The following BTD variants were observed in gnomAD, a reference collection of about 807,000 sequenced individuals.
BTD encodes the protein biotinidase.
A neutral mutation model predicts 17.7 loss-of-function variants in BTD; 13 were observed. The observed-to-expected ratio is 0.74, with a 90% CI of 0.48 to 1.17. The LOEUF is 1.17. BTD is among the 50% of genes most tolerant of loss of function. The pLI is 0.00. For missense variants in BTD, 674 were observed against 650.4 expected, an observed-to-expected ratio of 1.04 and a Z score of -0.39; for synonymous variants, 240 against 245.2, an observed-to-expected ratio of 0.98 and a Z score of 0.20.
chr3:15,622,480 C>T (rs1164407288), intron 1 of BTD, among the ~76,000 whole-genome samples: 1 of 152,138 alleles, frequency 6.6e-6, no homozygotes, highest in East Asian at 1.9e-4. Flanking sequence ...TGTGTTTTGT[C>T]ATGGTAAATG....
At chr3:15,656,406 G>T (rs1394518900), downstream of BTD, among the ~76,000 whole-genome samples, 1 of 152,078 alleles carries the variant, frequency 6.6e-6, no homozygotes, top group Non-Finnish European at 1.5e-5. Flanking sequence ...AGCCAGTCAG[G>T]TCAGCTCAGA....
chr3:15,686,475 T>G (rs1465542964), intron 3 of BTD: 1 of 623,382 alleles, frequency 1.6e-6, no homozygotes, highest in Non-Finnish European at 2.8e-6. Context: ...GGCCTTTGAC[T>G]GTTAAAGCTG....
At chr3:15,619,951 T>G (rs1170258233) in intron 1 of BTD, among the ~76,000 whole-genome samples, 2 of 151,932 alleles carry the variant, frequency 1.3e-5, no homozygotes, top group Non-Finnish European at 2.9e-5. Context: ...GATACAAAGA[T>G]CACATGCTTC....
intron 3 of BTD, chr3:15,670,424 T>TA: frequency 6.2e-7 from 1 of 1,613,994 alleles, no homozygotes; most frequent in South Asian, 1.1e-5. Context: ...GGTGTTGGTA[T>TA]AACGGTTAAT....
chr3:15,688,680 T>C (rs1203193452), intron 3 of BTD, among the ~76,000 whole-genome samples: 2 of 152,312 alleles, frequency 1.3e-5, no homozygotes, highest in East Asian at 3.8e-4. Context: ...CCAAGACATA[T>C]ATTCAAATGT....
chr3:15,703,163 AGATT>A (rs1400174917), intron 3 of BTD, among the ~76,000 whole-genome samples: 2 of 152,254 alleles, frequency 1.3e-5, no homozygotes, highest in African/African-American at 2.4e-5. Context: ...AAAAATTTAA[AGATT>A]GATTTTGGTA....
intron 1 of BTD, among the ~76,000 whole-genome samples, chr3:15,616,432 A>G (rs1350938440): frequency 6.6e-6 from 1 of 152,134 alleles, no homozygotes; most frequent in Non-Finnish European, 1.5e-5. Flanking sequence ...CCTGACCAAA[A>G]TAGAGAAACC....
intron 3 of BTD, chr3:15,708,203 C>A (rs904111654): frequency 2.1e-6 from 2 of 950,826 alleles, no homozygotes; most frequent in Admixed American, 5.3e-5. Flanking sequence ...CTAAGTCTTG[C>A]GGAGGACTGG....
chr3:15,636,318 C>G (rs558095351), intron 2 of BTD, among the ~76,000 whole-genome samples: 1 of 152,314 alleles, frequency 6.6e-6, no homozygotes, highest in South Asian at 2.1e-4. Flanking sequence ...CTGAGACCTT[C>G]GCCCAGATAG....
At chr3:15,703,259 T>C (rs2070877296) in intron 3 of BTD, among the ~76,000 whole-genome samples, 1 of 152,244 alleles carries the variant, frequency 6.6e-6, no homozygotes. Context: ...CCCATTTTTA[T>C]GAAGTTTGAA....
chr3:15,617,364 G>A (rs1245980566), intron 1 of BTD, among the ~76,000 whole-genome samples: 1 of 152,174 alleles, frequency 6.6e-6, no homozygotes, highest in Non-Finnish European at 1.5e-5. Flanking sequence ...AGATCATCTA[G>A]CTATTCTCCT....
chr3:15,631,020 T>C (rs2065191197), intron 1 of BTD, among the ~76,000 whole-genome samples: 1 of 152,222 alleles, frequency 6.6e-6, no homozygotes, highest in South Asian at 2.1e-4. Context: ...TTTCTTTAAA[T>C]TCAGATCATA....
intron 1 of BTD, among the ~76,000 whole-genome samples, chr3:15,613,439 T>G (rs1288693139): frequency 6.6e-6 from 1 of 152,172 alleles, no homozygotes; most frequent in Non-Finnish European, 1.5e-5. Flanking sequence ...GCTTCTTTCC[T>G]GAGCCCTGCC....
intron 1 of BTD, among the ~76,000 whole-genome samples, chr3:15,613,134 G>T (rs2064684931): frequency 1.3e-5 from 2 of 152,154 alleles, no homozygotes; most frequent in Admixed American, 1.3e-4. Context: ...CTTCACCTTT[G>T]TCATATTCTA....
chr3:15,674,960 C>T (rs567053945), intron 3 of BTD, among the ~76,000 whole-genome samples: 4 of 151,896 alleles, frequency 2.6e-5, no homozygotes, highest in South Asian at 2.1e-4. Flanking sequence ...CCTGACTATA[C>T]GGAAATTAAG....
At chr3:15,666,677 T>C (rs2065999253) in intron 3 of BTD, among the ~76,000 whole-genome samples, 1 of 114,318 alleles carries the variant, frequency 8.7e-6, no homozygotes, top group African/African-American at 2.5e-5. Context: ...ATTAGCTCTC[T>C]TGTATATTTT....
intron 3 of BTD, chr3:15,695,228 C>T (rs781602197): frequency 1.3e-6 from 2 of 1,561,322 alleles, no homozygotes; most frequent in Non-Finnish European, 1.7e-6. Context: ...AAATAAAAGT[C>T]AAAACAAAAA....
intron 1 of BTD, among the ~76,000 whole-genome samples, chr3:15,607,179 A>T (rs2064483892): frequency 6.6e-6 from 1 of 151,998 alleles, no homozygotes; most frequent in African/African-American, 2.4e-5. Context: ...ATAAAATTTT[A>T]TTTGTTGGAT....
At position 15,684,152 on chromosome 3, in the gene BTD, T is replaced by C. The variant is rs79068174; in HGVS notation, c.400-25908T>C. On this transcript the variant is annotated intron_variant, in intron 3 of 3. Coordinates refer to the BTD transcript ENST00000672141. The stretch of plus-strand genomic sequence containing the variant: ...ACAACACTGATGCTTGCACTGTATA[T>C]AATGTACTTGAGTTTTCTAAGATGA... 339 of 152,360 alleles carry C rather than the reference T, an allele frequency of 2.2e-3. 2 individuals carry two copies. The highest frequency in any genetic ancestry group is 7.5e-3 in the African/African-American group (310 of 41,584). The allele number at this position is 152,360 out of a possible 1,614,324, so 9.4% of individuals were successfully genotyped here. A position where few individuals can be genotyped will look rare whatever the true frequency, so the allele number is the denominator to read the frequency against.
Sources: gnomAD v4.1 joint callset for allele counts (sites outside exome capture counted in the v4.1 genomes callset) on GRCh38, gnomAD v4.1.1 for gene constraint, MANE v1.5 for transcripts, NCBI Gene and HGNC (gene_info 2026-07-23, HGNC 2026-07-21) for gene names.